The following MAMSTR variants were observed in gnomAD, a reference collection of about 807,000 sequenced individuals.
The protein encoded by MAMSTR is MEF2 activating motif and SAP domain containing transcriptional regulator, also known as MEF2-activating motif and SAP domain-containing transcriptional regulator.
A neutral mutation model predicts 42.7 loss-of-function variants in MAMSTR; 41 were observed. That is an observed-to-expected ratio of 0.96 (90% CI 0.75 to 1.25). MAMSTR has a LOEUF of 1.25. Among genes scored for constraint, MAMSTR ranks in the 50% most tolerant of loss-of-function variants. MAMSTR has a pLI of 0.00. For synonymous variants in MAMSTR, 265 were observed against 244.1 expected (o/e 1.09, Z -0.80); for missense variants, 567 against 557.6 (o/e 1.02, Z -0.17).
At chr19:48,713,818 T>A in intron 8 of MAMSTR, 42 bp downstream of exon 8, 2 of 1,614,202 alleles carry the variant, frequency 1.2e-6, no homozygotes, top group African/African-American at 2.7e-5. Flanking sequence ...GACCTGGACC[T>A]GACTGGAGAA....
At chr19:48,715,236 C>T (rs1313862922) in intron 5 of MAMSTR, 26 bp downstream of exon 5, 3 of 1,558,574 alleles carry the variant, frequency 1.9e-6, no homozygotes, top group Non-Finnish European at 2.6e-6. Flanking sequence ...TTCTGGGTCC[C>T]GGGAGAACAG....
chr19:48,714,279 A>G (rs1281462729), intron 7 of MAMSTR, 87 bp downstream of exon 7: 2 of 1,054,190 alleles, frequency 1.9e-6, no homozygotes, highest in Non-Finnish European at 2.5e-6. Flanking sequence ...TCGCCCCCAC[A>G]CTTCATTGGC....
At chr19:48,716,151 G>A (rs369750169) in intron 3 of MAMSTR, among the ~76,000 whole-genome samples, 8 of 151,936 alleles carry the variant, frequency 5.3e-5, no homozygotes, top group East Asian at 1.9e-4. Context: ...TGAGGCGGGC[G>A]GATCACTTGA....
At chr19:48,707,901 AAAGG>A (rs1555755231), downstream of MAMSTR, among the ~76,000 whole-genome samples, 46 of 128,548 alleles carry the variant, frequency 3.6e-4, no homozygotes, top group African/African-American at 1.3e-3. Context: ...AGAAAGAAAG[AAAGG>A]AAGAAAGAAA....
rs917044280 is a variant in MAMSTR, at chr19:48,719,064, G to T, written c.-21-12C>A. ...GCCGGGATGGGGACCTGGACGGAGA[G>T]GGGGCAGGGCAGGGGCCCCATAGAG... On this transcript the variant is annotated splice_polypyrimidine_tract_variant and intron_variant, in intron 1 of 9. Coordinates refer to ENST00000318083, the MANE Select transcript of MAMSTR (RefSeq NM_001130915.2). The surrounding 1 kb of genome is among the most constrained non-coding windows in gnomAD (Gnocchi z 4.4). The T allele has an allele frequency of 1.6e-5, 25 of 1,547,754 alleles. No individual in the cohort carries two copies. Among genetic ancestry groups the T allele is most frequent in the Non-Finnish European group, 2.1e-5 (24 of 1,144,692 alleles).
intron 2 of MAMSTR, among the ~76,000 whole-genome samples, chr19:48,717,524 T>G (rs909486568): frequency 1.4e-5 from 2 of 146,130 alleles, no homozygotes; most frequent in Non-Finnish European, 3.0e-5. Context: ...CCAGGATGAA[T>G]GTTAACTATC....
At chr19:48,708,866 T>C (rs191488593), downstream of MAMSTR, among the ~76,000 whole-genome samples, 1 of 150,926 alleles carries the variant, frequency 6.6e-6, no homozygotes, top group East Asian at 2.0e-4. Flanking sequence ...GAGACAGAGA[T>C]AGGGAGGAGA....
downstream of MAMSTR, among the ~76,000 whole-genome samples, chr19:48,707,810 AAGAAAGAAAGAAAG>A: frequency 6.8e-6 from 1 of 146,260 alleles, no homozygotes; most frequent in African/African-American, 2.6e-5. Context: ...GAAGGAAGGA[AAGAAAGAAAGAAAG>A]ACAAAGAAAG....
At chr19:48,714,193 T>C (rs1046360685) in intron 7 of MAMSTR, 148 bp from the exon 8 acceptor site, 3 of 1,051,916 alleles carry the variant, frequency 2.9e-6, no homozygotes, top group African/African-American at 3.2e-5. Context: ...TTTCATTGGC[T>C]CCTCTTCTCT....
chr19:48,716,374 CAA>C (rs35058019), intron 3 of MAMSTR, among the ~76,000 whole-genome samples: 6 of 65,014 alleles, frequency 9.2e-5, no homozygotes, highest in African/African-American at 3.1e-4. Context: ...GATTCCATCT[CAA>C]AAAAAAAAAA....
chr19:48,712,423 C>CTTTTTT (rs373119847), downstream of MAMSTR, among the ~76,000 whole-genome samples: 2 of 146,668 alleles, frequency 1.4e-5, 1 homozygote, highest in Non-Finnish European at 3.0e-5. Flanking sequence ...TTTTCTCTCT[C>CTTTTTT]TCTTTTTTTT....
chr19:48,714,146 C>G (rs1359384032), intron 7 of MAMSTR, 101 bp from the exon 8 acceptor site: 1 of 1,305,050 alleles, frequency 7.7e-7, no homozygotes, highest in African/African-American at 1.5e-5. Flanking sequence ...TCTCGCGACC[C>G]CTCGCTCATC....
chr19:48,715,459 G>C lies in MAMSTR; in HGVS notation c.241-13C>G. The C allele has an allele frequency of 6.7e-7, 1 of 1,482,206 alleles. No individual in the cohort carries two copies. The highest frequency in any genetic ancestry group is 8.9e-7 in the Non-Finnish European group (1 of 1,120,022). 91.8% of individuals were successfully genotyped at this position (1,482,206 alleles called of 1,614,324 possible). A position where few individuals can be genotyped will look rare whatever the true frequency, so the allele number is the denominator to read the frequency against. On this transcript the variant is annotated splice_polypyrimidine_tract_variant and intron_variant, in intron 4 of 9. Coordinates refer to ENST00000318083, the MANE Select transcript of MAMSTR (RefSeq NM_001130915.2). ...TCTTGGGAGACTCCTGAAAGAGCAG[G>C]TGTGATGTTTTAGGCTTCAGCGCGG...
the MAMSTR span, among the ~76,000 whole-genome samples, chr19:48,706,510 G>T: frequency 1.3e-5 from 2 of 151,770 alleles, no homozygotes; most frequent in African/African-American, 4.8e-5. Context: ...GGTGGTGCAT[G>T]CCTGTAATCC....
chr19:48,718,895 T>C (rs903456526), intron 2 of MAMSTR, 79 bp downstream of exon 2: 1 of 1,344,924 alleles, frequency 7.4e-7, no homozygotes, highest in Non-Finnish European at 1.0e-6. Context: ...TCATGGGACC[T>C]ACCACCCCTC....
chr19:48,715,176 C>T, intron 5 of MAMSTR, 86 bp downstream of exon 5: 2 of 1,289,756 alleles, frequency 1.6e-6, no homozygotes, highest in South Asian at 1.3e-5. Context: ...GGCCCCAATC[C>T]CCTAATCTTG....
At chr19:48,716,837 G>A (rs1405305321) in intron 2 of MAMSTR, 94 bp from the exon 3 acceptor site, 2 of 1,255,490 alleles carry the variant, frequency 1.6e-6, no homozygotes, top group African/African-American at 1.6e-5. Flanking sequence ...AGTTGTTGGC[G>A]GGATATGCGT....
chr19:48,710,339 T>C (rs2032703849), downstream of MAMSTR, among the ~76,000 whole-genome samples: 1 of 150,720 alleles, frequency 6.6e-6, no homozygotes, highest in African/African-American at 2.5e-5. Flanking sequence ...GGTCTCGAAC[T>C]TCTGACCTCA....
chr19:48,707,780 AAAAG>A (rs972407170), downstream of MAMSTR, among the ~76,000 whole-genome samples: 7 of 136,996 alleles, frequency 5.1e-5, 1 homozygote, highest in Admixed American at 1.5e-4. Flanking sequence ...AGAAAGAAAG[AAAAG>A]AAAGAAACAA....
Sources: gnomAD v4.1 joint callset for allele counts (sites outside exome capture counted in the v4.1 genomes callset) on GRCh38, gnomAD v4.1.1 for gene constraint, Gnocchi (gnomAD v3.1) non-coding constraint, MANE v1.5 for transcripts, NCBI Gene and HGNC (gene_info 2026-07-23, HGNC 2026-07-21) for gene names.